SET: variants seen among roughly 807,000 people sequenced by gnomAD.
The protein encoded by SET is protein SET.
A neutral mutation model predicts 39.0 loss-of-function variants in SET; 4 were observed. That is an observed-to-expected ratio of 0.10 (90% CI 0.05 to 0.23). SET has a LOEUF of 0.23. SET is among the 10% of genes least tolerant of loss of function. The pLI, the probability that SET is intolerant of heterozygous loss-of-function variation, is 1.00. For synonymous variants in SET, 114 were observed against 115.9 expected (o/e 0.98, Z 0.11); for missense variants, 137 against 329.7 (o/e 0.42, Z 4.53).
rs1861706694 is a variant in SET, at chr9:128,695,594, T to TATA, written c.*932_*934dup. On this transcript the variant is annotated 3_prime_UTR_variant, in exon 8 of 8. Transcript: ENST00000322030. Reference sequence around the variant, plus strand: ...ACTATGACCTTCCAAGTTTGACTTGTATAACATCACTGTCAAACTTTGTCA... The same window carrying TATA: ...ACTATGACCTTCCAAGTTTGACTTGTATAATAACATCACTGTCAAACTTTGTCA... 4.5e-6 allele frequency: 1 copy of TATA among 224,134 alleles called. No individual in the cohort carries two copies. The highest frequency in any genetic ancestry group is 2.2e-5 in the African/African-American group (1 of 45,000). The allele number at this position is 224,134 out of a possible 1,614,324, so 13.9% of individuals were successfully genotyped here.
chr9:128,691,771 TAGTA>T, intron 2 of SET, 83 bp from the exon 3 acceptor site: 2 of 1,301,232 alleles, frequency 1.5e-6, no homozygotes, highest in African/African-American at 1.5e-5. Flanking sequence ...TGACTCAAGC[TAGTA>T]AGTAAATACA....
In SET at chr9:128,695,875, T is replaced by C. The variant is rs1259608587; in HGVS notation, c.*1211T>C. The C allele has an allele frequency of 4.4e-6, 1 of 227,854 alleles. No individual in the cohort carries two copies. The highest frequency in any genetic ancestry group is 6.2e-5 in the East Asian group (1 of 16,192). The allele number at this position is 227,854 out of a possible 1,614,324, so 14.1% of individuals were successfully genotyped here. ...GGCCTTTTACCTGGATATAAATTAA[T>C]TGTGCCTGCCACCACCATCCAACAG... On this transcript the variant is annotated 3_prime_UTR_variant, in exon 8 of 8. Transcript: ENST00000322030.
At chr9:128,694,600 A>C (rs941871973) in intron 7 of SET, 41 bp from the exon 8 acceptor site, 1 of 1,476,790 alleles carries the variant, frequency 6.8e-7, no homozygotes, top group Non-Finnish European at 9.3e-7. Flanking sequence ...AGCAAGTCTC[A>C]GCATTAATCC....
At chr9:128,688,608 G>A (rs974968023), upstream of SET, among the ~76,000 whole-genome samples, 1 of 152,202 alleles carries the variant, frequency 6.6e-6, no homozygotes, top group Non-Finnish European at 1.5e-5. Context: ...TTTCATAACA[G>A]AAACGGGTTC....
chr9:128,685,244 T>C (rs755401682), upstream of SET: 1 of 1,553,844 alleles, frequency 6.4e-7, no homozygotes, highest in African/African-American at 1.4e-5. Context: ...TGTGCTTGTT[T>C]TCTCTTCTAT....
Position 128,695,082 on chromosome 9 carries a change from CTCTATG to C in SET, c.*420_*425del. 4.4e-6 allele frequency: 1 copy of C among 229,636 alleles called. No individual in the cohort carries two copies. Among genetic ancestry groups the C allele is most frequent in the East Asian group, 6.2e-5 (1 of 16,200 alleles). The allele number at this position is 229,636 out of a possible 1,614,324, so 14.2% of individuals were successfully genotyped here. On this transcript the variant is annotated 3_prime_UTR_variant, in exon 8 of 8. Transcript: ENST00000322030. ...ATTGGGCTCAGAGAGTACACTGTGT[CTCTATG>C]TGAATATGGACAGTTAGCATTTACC...
upstream of SET, among the ~76,000 whole-genome samples, chr9:128,684,561 G>A (rs1190129696): frequency 6.6e-6 from 1 of 151,860 alleles, no homozygotes; most frequent in Non-Finnish European, 1.5e-5. Flanking sequence ...CGTCCTCCAG[G>A]TGCTCAGAAA....
rs376880347 is a variant in SET, at chr9:128,689,667, G to T, written c.73+12G>T. 3 of 1,039,508 alleles carry T rather than the reference G, an allele frequency of 2.9e-6. No homozygotes were observed. Among genetic ancestry groups the T allele is most frequent in the South Asian group, 2.9e-5 (1 of 35,052 alleles). The allele number at this position is 1,039,508 out of a possible 1,614,324, so 64.4% of individuals were successfully genotyped here. A position where few individuals can be genotyped will look rare whatever the true frequency, so the allele number is the denominator to read the frequency against. On this transcript the variant is annotated intron_variant, in intron 1 of 7. Transcript: ENST00000322030. Reference sequence around the variant, plus strand: ...CGACGAGACCTCAGGTGAGAGCAGCGAGCCCGGGGGCCGGCCCGCGCCGCC... The same window carrying T: ...CGACGAGACCTCAGGTGAGAGCAGCTAGCCCGGGGGCCGGCCCGCGCCGCC...
At chr9:128,684,120 G>A in intron 1 of SET, 3 of 804,334 alleles carry the variant, frequency 3.7e-6, no homozygotes, top group East Asian at 2.8e-5. Flanking sequence ...CCCCCAAAGG[G>A]TTTTAAACCT....
upstream of SET, chr9:128,689,130 G>T: frequency 3.0e-6 from 1 of 335,822 alleles, no homozygotes; most frequent in Non-Finnish European, 4.2e-6. Flanking sequence ...CCCTCATCCC[G>T]CCGCCCAGGC....
At chr9:128,693,471 C>T (rs1385159270) in intron 5 of SET, among the ~76,000 whole-genome samples, 167 bp from the exon 6 acceptor site, 1 of 152,204 alleles carries the variant, frequency 6.6e-6, no homozygotes, top group Non-Finnish European at 1.5e-5. Context: ...GATACTACCT[C>T]TACCTGCTGC....
At chr9:128,692,122 C>T (rs756805787) in intron 3 of SET, 122 bp downstream of exon 3, 380 of 1,193,466 alleles carry the variant, frequency 3.2e-4, no homozygotes, top group Non-Finnish European at 4.2e-4. Context: ...GGTGCGGTGG[C>T]GCACCTGTAA....
rs548868513 is a variant in SET at position 128,696,115 on chromosome 9, G to A, written c.*1451G>A. Reference sequence around the variant, plus strand: ...TGTCTGCTCAATGCCATTGTGCAGAGAAGCACCCTAATGCATAAGCTTTTT... The same window carrying A: ...TGTCTGCTCAATGCCATTGTGCAGAAAAGCACCCTAATGCATAAGCTTTTT... On this transcript the variant is annotated 3_prime_UTR_variant, in exon 8 of 8. Transcript: ENST00000322030. 1 of 221,342 alleles carries A rather than the reference G, an allele frequency of 4.5e-6. No individual in the cohort carries two copies. The highest frequency in any genetic ancestry group is 2.2e-5 in the African/African-American group (1 of 44,974). The allele number at this position is 221,342 out of a possible 1,614,324, so 13.7% of individuals were successfully genotyped here.
At chr9:128,693,076 C>G (rs1216737694) in intron 5 of SET, 95 bp downstream of exon 5, 2 of 800,288 alleles carry the variant, frequency 2.5e-6, no homozygotes, top group Non-Finnish European at 4.1e-6. Context: ...GGTCATGTGG[C>G]TAAATACAAA....
At chr9:128,690,021 C>G (rs767068916) in intron 1 of SET, 1 of 1,046,268 alleles carries the variant, frequency 9.6e-7, no homozygotes. Context: ...CCGCCGCCGC[C>G]ACATGGTGCG....
chr9:128,695,707 A>T lies in SET; in HGVS notation c.*1043A>T, dbSNP rs1300613077. 2.7e-5 allele frequency: 6 copies of T among 226,406 alleles called. No homozygotes were observed. Among genetic ancestry groups the T allele is most frequent in the Non-Finnish European group, 5.3e-5 (6 of 112,982 alleles). The allele number at this position is 226,406 out of a possible 1,614,324, so 14.0% of individuals were successfully genotyped here. A position where few individuals can be genotyped will look rare whatever the true frequency, so the allele number is the denominator to read the frequency against. On this transcript the variant is annotated 3_prime_UTR_variant, in exon 8 of 8. Transcript: ENST00000322030. ...TAATGGGATTTGAATCAATGTATTA[A>T]TATCTCCATAGCTGGGAAACGTGGG...
At chr9:128,691,491 C>T (rs1416169760) in intron 2 of SET, among the ~76,000 whole-genome samples, 2 of 151,748 alleles carry the variant, frequency 1.3e-5, no homozygotes, top group African/African-American at 2.4e-5. Context: ...GATGGTTTAG[C>T]AGTGTGGCAT....
At chr9:128,686,505 G>A (rs558372703), upstream of SET, among the ~76,000 whole-genome samples, 25 of 152,272 alleles carry the variant, frequency 1.6e-4, no homozygotes, top group Non-Finnish European at 3.4e-4. Context: ...CCAGCCCTTG[G>A]CATAGTGTTC....
At chr9:128,683,814 C>A in exon 1 of SET, 1 of 1,223,354 alleles carries the variant, frequency 8.2e-7, no homozygotes, top group Non-Finnish European at 1.1e-6. Flanking sequence ...AAGCCGCTGG[C>A]ACCTGGGGCA....
Sources: gnomAD v4.1 joint callset for allele counts (sites outside exome capture counted in the v4.1 genomes callset) on GRCh38, gnomAD v4.1.1 for gene constraint, MANE v1.5 for transcripts, NCBI Gene and HGNC (gene_info 2026-07-23, HGNC 2026-07-21) for gene names.